Variants in MSANTD5 observed in about 807,000 individuals in gnomAD.
The protein encoded by MSANTD5 is Myb/SANT DNA binding domain containing 5.
chr5:178,699,901 G>A (rs1283509175), upstream of MSANTD5, among the ~76,000 whole-genome samples: 1 of 151,132 alleles, frequency 6.6e-6, no homozygotes, highest in African/African-American at 2.5e-5. Context: ...TGCTTATCTT[G>A]TCCTCGGTAT....
At chr5:178,704,714 G>C in the MSANTD5 span, among the ~76,000 whole-genome samples, 1 of 152,188 alleles carries the variant, frequency 6.6e-6, no homozygotes, top group Admixed American at 6.5e-5. Flanking sequence ...CCTGAGCTAC[G>C]GATGAGAACC....
At chr5:178,705,123 A>C in the MSANTD5 span, among the ~76,000 whole-genome samples, 33,123 of 151,788 alleles carry the variant, frequency 0.22, 4,208 homozygotes, top group South Asian at 0.36. Context: ...ATCTTGGCTC[A>C]CTACAGCCTC....
At chr5:178,701,428 A>G (rs185555852), upstream of MSANTD5, among the ~76,000 whole-genome samples, 1 of 152,190 alleles carries the variant, frequency 6.6e-6, no homozygotes, top group East Asian at 1.9e-4. Flanking sequence ...AAAGTGACTG[A>G]AAGTAATGAG....
At chr5:178,697,099 A>T (rs1765420430) in intron 1 of MSANTD5, among the ~76,000 whole-genome samples, 1 of 152,190 alleles carries the variant, frequency 6.6e-6, no homozygotes, top group Non-Finnish European at 1.5e-5. Flanking sequence ...ACAAAGATTC[A>T]AAACGATCCC....
chr5:178,697,326 C>T lies in MSANTD5; in HGVS notation c.6+260G>A, dbSNP rs112190822. Among the ~76,000 whole-genome samples the T allele has an allele frequency of 1.4e-3, 207 of 151,774 alleles. 1 individual carries two copies. The highest frequency in any genetic ancestry group is 2.1e-3 in the South Asian group (10 of 4,818). On this transcript the variant is annotated intron_variant, in intron 1 of 3. Transcript: ENST00000648368. Reference sequence around the variant, plus strand: ...AAAATTAGCCGGGCGTGGTGGCGGGCGCCTGTAGTCCCAGCTACTCGGGAG... The same window carrying T: ...AAAATTAGCCGGGCGTGGTGGCGGGTGCCTGTAGTCCCAGCTACTCGGGAG...
the MSANTD5 span, among the ~76,000 whole-genome samples, chr5:178,703,401 C>T: frequency 6.6e-6 from 1 of 152,116 alleles, no homozygotes; most frequent in African/African-American, 2.4e-5. Context: ...CCATTCTAGC[C>T]CAGGATTCTT....
At chr5:178,697,430 GGCGACAGA>G (rs1561609549) in intron 1 of MSANTD5, among the ~76,000 whole-genome samples, 148 bp downstream of exon 1, 1 of 152,158 alleles carries the variant, frequency 6.6e-6, no homozygotes, top group Non-Finnish European at 1.5e-5. Context: ...CTCCAGCCTG[GGCGACAGA>G]GCGAGACTCC....
At chr5:178,693,948 T>C (rs568688374), downstream of MSANTD5, among the ~76,000 whole-genome samples, 1 of 152,152 alleles carries the variant, frequency 6.6e-6, no homozygotes, top group South Asian at 2.1e-4. Context: ...CCTGTGTTTT[T>C]ATCCAAAAAC....
At chr5:178,695,426 C>T (rs1765401818) in exon 3 of MSANTD5, 1 of 152,226 alleles carries the variant, frequency 6.6e-6, no homozygotes, top group South Asian at 2.1e-4. Context: ...TTATTAGCAT[C>T]TGGAGACATT....
intron 1 of MSANTD5, among the ~76,000 whole-genome samples, chr5:178,696,517 C>T (rs149761788): frequency 4.1e-4 from 63 of 152,126 alleles, no homozygotes; most frequent in African/African-American, 1.5e-3. Flanking sequence ...TGAGCCACTG[C>T]GACCAGCCCC....
At chr5:178,703,310 TGCGCTTG>T in the MSANTD5 span, among the ~76,000 whole-genome samples, 9 of 152,190 alleles carry the variant, frequency 5.9e-5, no homozygotes, top group Non-Finnish European at 1.5e-5. Context: ...CACAGTGTGA[TGCGCTTG>T]GCTTGCATGA....
At chr5:178,699,907 G>C (rs944224260), upstream of MSANTD5, among the ~76,000 whole-genome samples, 1 of 151,162 alleles carries the variant, frequency 6.6e-6, no homozygotes, top group African/African-American at 2.5e-5. Context: ...TCTTGTCCTC[G>C]GTATATGCAC....
chr5:178,703,259 G>A, the MSANTD5 span, among the ~76,000 whole-genome samples: 4 of 152,210 alleles, frequency 2.6e-5, no homozygotes, highest in Admixed American at 6.5e-5. Flanking sequence ...GGGCGCCCAC[G>A]GGCAGGGTCC....
chr5:178,703,320 T>TTGCATGAGTCACTCCCTTCA, the MSANTD5 span, among the ~76,000 whole-genome samples: 1 of 152,190 alleles, frequency 6.6e-6, no homozygotes, highest in Non-Finnish European at 1.5e-5. Flanking sequence ...TGCGCTTGGC[T>TTGCATGAGTCACTCCCTTCA]TGCATGAGTC....
upstream of MSANTD5, among the ~76,000 whole-genome samples, chr5:178,699,192 G>T (rs2113855919): frequency 6.6e-6 from 1 of 152,198 alleles, no homozygotes; most frequent in African/African-American, 2.4e-5. Context: ...CTGTCTTGCT[G>T]GAGGCAAATA....
At chr5:178,693,939 C>T (rs374908306), downstream of MSANTD5, among the ~76,000 whole-genome samples, 2 of 152,016 alleles carry the variant, frequency 1.3e-5, no homozygotes, top group East Asian at 1.9e-4. Flanking sequence ...ATTATGCCAC[C>T]TGTGTTTTTA....
At chr5:178,704,852 C>A in the MSANTD5 span, among the ~76,000 whole-genome samples, 1 of 152,142 alleles carries the variant, frequency 6.6e-6, no homozygotes, top group African/African-American at 2.4e-5. Flanking sequence ...CACTCTTAAC[C>A]CAGCCGTGGA....
At chr5:178,693,100 G>A (rs939114082), downstream of MSANTD5, among the ~76,000 whole-genome samples, 7 of 151,750 alleles carry the variant, frequency 4.6e-5, no homozygotes, top group Admixed American at 1.3e-4. Flanking sequence ...ACCTGAGGTC[G>A]GGAGTTTGAG....
At chr5:178,699,617 G>A (rs1765455403), upstream of MSANTD5, among the ~76,000 whole-genome samples, 1 of 152,044 alleles carries the variant, frequency 6.6e-6, no homozygotes, top group Admixed American at 6.6e-5. Context: ...CACCATGTTG[G>A]CTAGGCTGGT....
Sources: allele counts gnomAD v4.1 joint callset (sites outside exome capture counted in the v4.1 genomes callset), GRCh38; gene constraint gnomAD v4.1.1; transcripts MANE v1.5; gene names NCBI Gene and HGNC (gene_info 2026-07-23, HGNC 2026-07-21).